IL21R: variants seen among roughly 807,000 people sequenced by gnomAD.
IL21R encodes the protein interleukin-21 receptor.
A neutral mutation model predicts 41.3 loss-of-function variants in IL21R; 14 were observed. The ratio of observed to expected loss-of-function variants is 0.34; its 90% CI spans 0.22 to 0.53. The LOEUF (loss-of-function observed/expected upper bound fraction) is 0.53, where lower values mean the gene tolerates loss of function less well. Ranked by LOEUF, IL21R falls within the 20% of genes least tolerant of loss-of-function variation. The probability of loss-of-function intolerance (pLI) is 0.94; values close to 1 mark genes in which losing one functional copy is unlikely to be tolerated. For synonymous variants in IL21R, 286 were observed against 287.6 expected (o/e 0.99, Z 0.05); for missense variants, 588 against 681.6 (o/e 0.86, Z 1.53).
At chr16:27,421,169 T>G (rs927228608) in intron 1 of IL21R, among the ~76,000 whole-genome samples, 20 of 152,114 alleles carry the variant, frequency 1.3e-4, no homozygotes, top group Non-Finnish European at 2.4e-4. Flanking sequence ...TTGATCTATA[T>G]GTACATCTAT....
At chr16:27,410,821 C>A (rs1336609490) in intron 1 of IL21R, among the ~76,000 whole-genome samples, 3 of 152,182 alleles carry the variant, frequency 2.0e-5, no homozygotes, top group Non-Finnish European at 2.9e-5. Context: ...AACAACTTTT[C>A]ATTTCTCCCT....
At chr16:27,424,205 G>A (rs953876034) in intron 1 of IL21R, among the ~76,000 whole-genome samples, 1 of 152,076 alleles carries the variant, frequency 6.6e-6, no homozygotes, top group Non-Finnish European at 1.5e-5. Flanking sequence ...CTCCAGAGTA[G>A]CTGGGATTAC....
chr16:27,439,316 T>TCTCTCTCTTG (rs2087332475), intron 4 of IL21R, among the ~76,000 whole-genome samples: 1 of 151,454 alleles, frequency 6.6e-6, no homozygotes, highest in Non-Finnish European at 1.5e-5. Context: ...CCACACTGCC[T>TCTCTCTCTTG]CTCTCTCTTG....
At chr16:27,432,063 A>G (rs1023446671) in intron 2 of IL21R, among the ~76,000 whole-genome samples, 1 of 152,228 alleles carries the variant, frequency 6.6e-6, no homozygotes, top group African/African-American at 2.4e-5. Context: ...TATAGCATCA[A>G]TAATTCATTC....
At chr16:27,435,588 G>A (rs1210126101) in intron 3 of IL21R, among the ~76,000 whole-genome samples, 1 of 151,708 alleles carries the variant, frequency 6.6e-6, no homozygotes, top group Non-Finnish European at 1.5e-5. Context: ...TGAGTAGCTG[G>A]GACTACAGGC....
chr16:27,407,159 T>C (rs1162621383), intron 1 of IL21R, among the ~76,000 whole-genome samples: 1 of 152,188 alleles, frequency 6.6e-6, no homozygotes, highest in Admixed American at 6.5e-5. Flanking sequence ...AACATTCTTC[T>C]TCAGCTACTT....
chr16:27,421,994 A>C (rs1003495064), intron 1 of IL21R, among the ~76,000 whole-genome samples: 3 of 152,192 alleles, frequency 2.0e-5, no homozygotes, highest in East Asian at 1.9e-4. Flanking sequence ...TGTTAACTGT[A>C]ATATTTTTAT....
At chr16:27,425,696 T>C (rs1218427113) in intron 1 of IL21R, among the ~76,000 whole-genome samples, 1 of 151,992 alleles carries the variant, frequency 6.6e-6, no homozygotes, top group Non-Finnish European at 1.5e-5. Flanking sequence ...GCTGGGATTA[T>C]AGGCACACAC....
chr16:27,418,668 C>CATATG (rs2086946531), intron 1 of IL21R, among the ~76,000 whole-genome samples: 1 of 152,174 alleles, frequency 6.6e-6, no homozygotes, highest in African/African-American at 2.4e-5. Flanking sequence ...CTGCGCCCCG[C>CATATG]CAACATTTTT....
intron 1 of IL21R, among the ~76,000 whole-genome samples, chr16:27,414,309 A>C (rs977101636): frequency 1.3e-5 from 2 of 151,886 alleles, no homozygotes; most frequent in Non-Finnish European, 2.9e-5. Context: ...TGATAATATA[A>C]ATTTTCTTGT....
chr16:27,403,341 G>T, intron 1 of IL21R: 6 of 984,054 alleles, frequency 6.1e-6, no homozygotes, highest in South Asian at 6.1e-5. Context: ...CCTGGGGAGC[G>T]GGAACTTAGG....
chr16:27,432,439 G>A (rs1295515294), intron 2 of IL21R, among the ~76,000 whole-genome samples: 1 of 152,162 alleles, frequency 6.6e-6, no homozygotes, highest in Non-Finnish European at 1.5e-5. Context: ...CCCTGTGGCT[G>A]GGGTACTGAC....
rs116866842 is a variant in IL21R at position 27,412,657 on chromosome 16, T to C, written c.-17+10039T>C. On this transcript the variant is annotated intron_variant, in intron 1 of 8. Coordinates refer to ENST00000337929, the MANE Select transcript of IL21R (RefSeq NM_181078.3). ...CTTTTCACTTATCTGTGTTCTTTAA[T>C]TTCCTTCAAAAATGTTTTATACAAG... Among the ~76,000 whole-genome samples, 720 of 152,280 alleles carry C rather than the reference T, an allele frequency of 4.7e-3. 8 individuals are homozygous for C. Among genetic ancestry groups the C allele is most frequent in the South Asian group, 0.026 (125 of 4,828 alleles).
At chr16:27,424,968 C>T (rs540607104) in intron 1 of IL21R, among the ~76,000 whole-genome samples, 9 of 152,056 alleles carry the variant, frequency 5.9e-5, no homozygotes, top group East Asian at 1.9e-4. Flanking sequence ...AAGGGGGAGG[C>T]GCCACGCACT....
At chr16:27,418,963 C>T (rs1232560349) in intron 1 of IL21R, among the ~76,000 whole-genome samples, 1 of 151,374 alleles carries the variant, frequency 6.6e-6, no homozygotes, top group Admixed American at 6.6e-5. Context: ...GCCCGTAATC[C>T]CGGCACTTTG....
At chr16:27,407,616 A>G (rs746072448) in intron 1 of IL21R, among the ~76,000 whole-genome samples, 22 of 152,326 alleles carry the variant, frequency 1.4e-4, no homozygotes, top group Non-Finnish European at 2.2e-4. Context: ...ACCTGAGGTC[A>G]GGAGTTTGAG....
chr16:27,443,737 C>CGT (rs3093365), intron 5 of IL21R, among the ~76,000 whole-genome samples: 4 of 66,166 alleles, frequency 6.0e-5, no homozygotes, highest in East Asian at 2.4e-4. Context: ...GAGCTGGGAT[C>CGT]GCGCTACTGC....
At chr16:27,430,880 G>T (rs2087159153) in intron 2 of IL21R, among the ~76,000 whole-genome samples, 1 of 152,194 alleles carries the variant, frequency 6.6e-6, no homozygotes, top group South Asian at 2.1e-4. Flanking sequence ...AGGCACTGGT[G>T]GTCCCTGGGC....
chr16:27,407,825 A>T (rs1050394319), intron 1 of IL21R, among the ~76,000 whole-genome samples: 10 of 152,214 alleles, frequency 6.6e-5, no homozygotes, highest in Non-Finnish European at 1.0e-4. Flanking sequence ...ACTCCATCTC[A>T]AAAACAAAAC....
Sources: gnomAD v4.1 joint callset for allele counts (sites outside exome capture counted in the v4.1 genomes callset) on GRCh38, gnomAD v4.1.1 for gene constraint, MANE v1.5 for transcripts, NCBI Gene and HGNC (gene_info 2026-07-23, HGNC 2026-07-21) for gene names.